The following CELF4 variants were observed in gnomAD, a reference collection of about 807,000 sequenced individuals.
The protein encoded by CELF4 is CUGBP Elav-like family member 4, also known as CUG-BP- and ETR-3-like factor 4.
In CELF4, 18 loss-of-function variants were observed where a neutral mutation model predicts 59.9. That is an observed-to-expected ratio of 0.30 (90% CI 0.21 to 0.45). The LOEUF (loss-of-function observed/expected upper bound fraction) is 0.45, where lower values mean the gene tolerates loss of function less well. Among genes scored for constraint, CELF4 ranks in the 20% least tolerant of loss-of-function variants. The pLI is 1.00. For missense variants in CELF4, 456 were observed against 689.0 expected, an observed-to-expected ratio of 0.66 and a Z score of 3.79; for synonymous variants, 261 against 267.1, an observed-to-expected ratio of 0.98 and a Z score of 0.22.
intron 1 of CELF4, among the ~76,000 whole-genome samples, chr18:37,520,384 T>C (rs534702492): frequency 1.3e-5 from 2 of 152,234 alleles, no homozygotes; most frequent in East Asian, 3.9e-4. Flanking sequence ...CCTCCCCATT[T>C]CATGAATGTA....
At chr18:37,421,830 T>C (rs566321206) in intron 2 of CELF4, among the ~76,000 whole-genome samples, 4 of 152,240 alleles carry the variant, frequency 2.6e-5, no homozygotes, top group Non-Finnish European at 5.9e-5. Flanking sequence ...ACACCGGATG[T>C]GAATTCAAGC....
intron 2 of CELF4, among the ~76,000 whole-genome samples, chr18:37,322,688 G>T (rs2097165723): frequency 6.6e-6 from 1 of 152,222 alleles, no homozygotes; most frequent in Admixed American, 6.5e-5. Flanking sequence ...ACCAGGGTGG[G>T]CTCTACAGCC....
At chr18:37,298,691 C>T (rs2095819452) in intron 3 of CELF4, among the ~76,000 whole-genome samples, 1 of 150,214 alleles carries the variant, frequency 6.7e-6, no homozygotes, top group Non-Finnish European at 1.5e-5. Flanking sequence ...CGCCATTGCA[C>T]TCCAGCCTGG....
At chr18:37,346,182 C>T (rs561864521) in intron 2 of CELF4, among the ~76,000 whole-genome samples, 11 of 152,278 alleles carry the variant, frequency 7.2e-5, no homozygotes, top group Non-Finnish European at 1.2e-4. Flanking sequence ...GTGCCTGCCC[C>T]CACCTCCTCC....
chr18:37,322,015 T>C, intron 2 of CELF4, 134 bp from the exon 3 acceptor site: 1 of 606,832 alleles, frequency 1.6e-6, no homozygotes. Flanking sequence ...AACATGCTGC[T>C]GCAAGCACAC....
At chr18:37,260,012 G>A (rs747221218) in intron 10 of CELF4, among the ~76,000 whole-genome samples, 9 of 152,228 alleles carry the variant, frequency 5.9e-5, no homozygotes, top group Non-Finnish European at 1.2e-4. Context: ...GTGTCAGGCT[G>A]TTCTGAGCAC....
chr18:37,244,346 T>G lies in CELF4; in HGVS notation c.*896A>C, dbSNP rs2061328959. The G allele has an allele frequency of 6.6e-6, 1 of 152,478 alleles. No individual in the cohort carries two copies. Among genetic ancestry groups the G allele is most frequent in the Non-Finnish European group, 1.5e-5 (1 of 68,006 alleles). The allele number at this position is 152,478 out of a possible 1,614,324, so 9.4% of individuals were successfully genotyped here. The stretch of plus-strand genomic sequence containing the variant: ...AGTCCCATTTGTTCCCCTCCTTGTT[T>G]TCTCACACTTCACGGGTGAGTTTTA... On this transcript the variant is annotated 3_prime_UTR_variant, in exon 13 of 13. Transcript: ENST00000420428.
rs888208405 is a variant in CELF4, at chr18:37,313,718, C to T, written c.448+8085G>A. ...GTGTCTGTTTAGAAATAAAATAATG[C>T]TCGGAGGAGTAATGAGGAATTTAAT... On this transcript the variant is annotated intron_variant, in intron 3 of 12. Transcript: ENST00000420428. Among the ~76,000 whole-genome samples the T allele has an allele frequency of 7.9e-5, 12 of 152,296 alleles. No homozygotes were observed. In the East Asian group the frequency reaches 2.1e-3, roughly 27 times the overall value.
intron 2 of CELF4, among the ~76,000 whole-genome samples, chr18:37,380,660 TC>T (rs1235030737): frequency 2.2e-5 from 1 of 45,536 alleles, no homozygotes; most frequent in Non-Finnish European, 4.8e-5. Context: ...CATCTATCCA[TC>T]CATCCCCTGA....
chr18:37,365,754 G>A (rs1174750033), intron 2 of CELF4, among the ~76,000 whole-genome samples: 1 of 152,024 alleles, frequency 6.6e-6, no homozygotes, highest in African/African-American at 2.4e-5. Context: ...CCAAAGTGCT[G>A]GGATTACAGG....
At chr18:37,541,891 T>C (rs1049458358) in intron 1 of CELF4, among the ~76,000 whole-genome samples, 5 of 152,134 alleles carry the variant, frequency 3.3e-5, no homozygotes, top group African/African-American at 7.2e-5. Context: ...CATCCATATG[T>C]TTTAATTCTC....
chr18:37,491,705 G>T (rs763192585), intron 1 of CELF4, among the ~76,000 whole-genome samples: 1 of 152,190 alleles, frequency 6.6e-6, no homozygotes, highest in Non-Finnish European at 1.5e-5. Context: ...GGCAGGCAGC[G>T]TGGGCAGCGG....
At chr18:37,446,328 C>T (rs1165280618) in intron 2 of CELF4, among the ~76,000 whole-genome samples, 1 of 152,182 alleles carries the variant, frequency 6.6e-6, no homozygotes, top group Non-Finnish European at 1.5e-5. Flanking sequence ...TGACACAGCC[C>T]CAGCCTGGAG....
At chr18:37,430,265 T>C (rs1324396407) in intron 2 of CELF4, among the ~76,000 whole-genome samples, 2 of 152,206 alleles carry the variant, frequency 1.3e-5, no homozygotes, top group African/African-American at 2.4e-5. Context: ...GCTGGTGGAA[T>C]TGCAAGTTGC....
intron 2 of CELF4, among the ~76,000 whole-genome samples, chr18:37,480,908 GAGA>G (rs1348820532): frequency 2.6e-5 from 4 of 152,200 alleles, no homozygotes; most frequent in Non-Finnish European, 5.9e-5. Context: ...AGAGAAAAGT[GAGA>G]AGAAGGGATA....
chr18:37,306,743 A>G (rs1262353324), intron 3 of CELF4, among the ~76,000 whole-genome samples: 8 of 152,090 alleles, frequency 5.3e-5, no homozygotes. Flanking sequence ...GAAATGTCCC[A>G]GTTGGAGGCC....
At chr18:37,275,072 G>T in intron 4 of CELF4, 43 bp downstream of exon 4, 1 of 1,604,462 alleles carries the variant, frequency 6.2e-7, no homozygotes, top group Non-Finnish European at 8.5e-7. Context: ...CCTCCGCCTC[G>T]CCCCTCCCTC....
Position 37,565,612 on chromosome 18 carries a change from G to A in CELF4, c.30C>T (p.Asn10=). MYIKMATLA[N]GQADNASLST... is the part of the protein sequence containing the mutation. Reference sequence around the variant, plus strand: ...TGAGGCTTGCGTTGTCAGCCTGTCCGTTTGCTAACGTGGCCATCTTTATAT... The same window carrying A: ...TGAGGCTTGCGTTGTCAGCCTGTCCATTTGCTAACGTGGCCATCTTTATAT... The change falls in exon 1 of 13, where the codon AAC becomes AAT. Residue 10 remains asparagine (N), a synonymous_variant. Transcript: ENST00000420428. 1 of 1,603,120 alleles carries A rather than the reference G, an allele frequency of 6.2e-7. No individual in the cohort carries two copies. Among genetic ancestry groups the A allele is most frequent in the Admixed American group, 1.7e-5 (1 of 58,322 alleles).
chr18:37,270,998 C>T, intron 7 of CELF4, 81 bp from the exon 8 acceptor site: 1 of 1,268,044 alleles, frequency 7.9e-7, no homozygotes, highest in Non-Finnish European at 1.1e-6. Flanking sequence ...CATAAAGCTT[C>T]ACTCAACTGT....
Sources: gnomAD v4.1 joint callset for allele counts (sites outside exome capture counted in the v4.1 genomes callset) on GRCh38, gnomAD v4.1.1 for gene constraint, MANE v1.5 for transcripts, NCBI Gene and HGNC (gene_info 2026-07-23, HGNC 2026-07-21) for gene names.